Variants in RAPGEF1 observed in about 807,000 individuals in gnomAD.
RAPGEF1 encodes Rap guanine nucleotide exchange factor 1.
A neutral mutation model predicts 143.3 loss-of-function variants in RAPGEF1; 33 were observed. The observed-to-expected ratio is 0.23, with a 90% CI of 0.17 to 0.31. The LOEUF (loss-of-function observed/expected upper bound fraction) is 0.31. Ranked by LOEUF, RAPGEF1 falls within the 10% of genes least tolerant of loss-of-function variation. RAPGEF1 has a pLI of 1.00. For synonymous variants in RAPGEF1, 629 were observed against 676.5 expected, an observed-to-expected ratio of 0.93 and a Z score of 1.09; for missense variants, 1,199 against 1,645.4, an observed-to-expected ratio of 0.73 and a Z score of 4.69.
intron 1 of RAPGEF1, among the ~76,000 whole-genome samples, chr9:131,729,369 C>T (rs1836875754): frequency 6.6e-6 from 1 of 152,174 alleles, no homozygotes; most frequent in South Asian, 2.1e-4. Flanking sequence ...GGTGGAACTA[C>T]TTTAACTCGT....
At chr9:131,627,841 C>A (rs2133026738) in intron 9 of RAPGEF1, 72 bp downstream of exon 9, 1 of 1,471,862 alleles carries the variant, frequency 6.8e-7, no homozygotes, top group Non-Finnish European at 9.2e-7. Context: ...ACCTGGGACT[C>A]CCACCCAGGA....
intron 25 of RAPGEF1, among the ~76,000 whole-genome samples, chr9:131,580,628 G>C (rs1396352447): frequency 2.0e-5 from 3 of 152,202 alleles, no homozygotes; most frequent in Non-Finnish European, 4.4e-5. Context: ...AGGAGCCTGA[G>C]GGTGATGCGG....
chr9:131,694,259 G>C (rs1449046498), intron 1 of RAPGEF1, among the ~76,000 whole-genome samples: 1 of 152,118 alleles, frequency 6.6e-6, no homozygotes, highest in Non-Finnish European at 1.5e-5. Context: ...TTTCAGTCAG[G>C]GTTCCAGCAG....
At chr9:131,717,461 A>G (rs916518479) in intron 1 of RAPGEF1, among the ~76,000 whole-genome samples, 4 of 152,164 alleles carry the variant, frequency 2.6e-5, no homozygotes, top group African/African-American at 9.6e-5. Context: ...TTACCTCCCA[A>G]TGAGGGAAAA....
intron 12 of RAPGEF1, among the ~76,000 whole-genome samples, chr9:131,617,595 A>C (rs560448090): frequency 5.3e-4 from 81 of 152,340 alleles, no homozygotes; most frequent in African/African-American, 1.9e-3. Flanking sequence ...GTTAACTCTC[A>C]TGTGTAAAGT....
At chr9:131,716,452 T>C (rs188255227) in intron 1 of RAPGEF1, among the ~76,000 whole-genome samples, 9 of 152,288 alleles carry the variant, frequency 5.9e-5, no homozygotes, top group South Asian at 2.1e-4. Context: ...AGTCTAAATA[T>C]GTAAGGAGAA....
intron 1 of RAPGEF1, among the ~76,000 whole-genome samples, chr9:131,673,428 T>C (rs1204810646): frequency 6.6e-6 from 1 of 152,238 alleles, no homozygotes; most frequent in East Asian, 1.9e-4. Flanking sequence ...CTGCTGACCC[T>C]GTCCTGTAGA....
At chr9:131,685,233 C>T (rs937580088) in intron 1 of RAPGEF1, among the ~76,000 whole-genome samples, 5 of 152,158 alleles carry the variant, frequency 3.3e-5, no homozygotes, top group East Asian at 3.8e-4. Flanking sequence ...CTGACTCCTG[C>T]GAGAAGTAGC....
At position 131,634,973 on chromosome 9, in the gene RAPGEF1, C is replaced by A. The variant is rs956283540; in HGVS notation, c.651+3662G>T. On this transcript the variant is annotated intron_variant, in intron 5 of 26. Transcript: ENST00000683357. The stretch of plus-strand genomic sequence containing the variant: ...AAACATTGAGGGTCTTTAAATTCCT[C>A]AGATTTCCTTCCTTCAAGAGTCATA... 3.3e-5 allele frequency among the ~76,000 whole-genome samples: 5 copies of A among 152,082 alleles called. No individual in the cohort carries two copies. The South Asian group carries it at 1.0e-3, about 32-fold the overall frequency.
intron 14 of RAPGEF1, among the ~76,000 whole-genome samples, 169 bp from the exon 15 acceptor site, chr9:131,602,318 C>A (rs1260896814): frequency 2.0e-5 from 3 of 152,198 alleles, no homozygotes. Context: ...AACACAAGCC[C>A]TCAAGACTAG....
chr9:131,683,647 T>C (rs1156414961), intron 1 of RAPGEF1, among the ~76,000 whole-genome samples: 1 of 152,236 alleles, frequency 6.6e-6, no homozygotes, highest in Non-Finnish European at 1.5e-5. Context: ...AGCGTTTTCA[T>C]TGTTTTACAG....
intron 1 of RAPGEF1, among the ~76,000 whole-genome samples, chr9:131,730,865 C>T (rs768415584): frequency 2.2e-4 from 33 of 152,234 alleles, no homozygotes; most frequent in Non-Finnish European, 4.1e-4. Flanking sequence ...CCTGTGAGCT[C>T]CAGCAGGACA....
chr9:131,589,238 G>A (rs549596106), intron 19 of RAPGEF1, among the ~76,000 whole-genome samples: 1 of 152,358 alleles, frequency 6.6e-6, no homozygotes, highest in African/African-American at 2.4e-5. Flanking sequence ...GCCAGTGACT[G>A]TGCTGGGGCC....
intron 26 of RAPGEF1, 42 bp from the exon 27 acceptor site, chr9:131,579,689 G>C: frequency 6.2e-7 from 1 of 1,601,804 alleles, no homozygotes; most frequent in Non-Finnish European, 8.5e-7. Flanking sequence ...CACCTGTGTG[G>C]GCTGGATGGC....
Position 131,628,194 on chromosome 9 carries a change from T to A in RAPGEF1, c.1018-98A>T. 1 of 1,177,476 alleles carries A rather than the reference T, an allele frequency of 8.5e-7. No individual in the cohort carries two copies. The highest frequency in any genetic ancestry group is 1.2e-6 in the Non-Finnish European group (1 of 863,536). 72.9% of individuals were successfully genotyped at this position (1,177,476 alleles called of 1,614,324 possible). Reference sequence around the variant, plus strand: ...CGGTGCATTTACTTAGAGAAGGAAATACTGCCAGGCGAACTCAGAAACCAC... The same window carrying A: ...CGGTGCATTTACTTAGAGAAGGAAAAACTGCCAGGCGAACTCAGAAACCAC... On this transcript the variant is annotated intron_variant, in intron 8 of 26. Transcript: ENST00000683357. The surrounding 1 kb of genome is among the most constrained non-coding windows in gnomAD (Gnocchi z 5.7).
intron 5 of RAPGEF1, among the ~76,000 whole-genome samples, chr9:131,633,458 A>G (rs571901829): frequency 1.4e-4 from 22 of 152,326 alleles, no homozygotes; most frequent in African/African-American, 5.3e-4. Context: ...GGCAAAAGGA[A>G]CAGAGAGAAG....
chr9:131,659,196 A>T (rs1382753830), intron 1 of RAPGEF1, among the ~76,000 whole-genome samples: 1 of 152,228 alleles, frequency 6.6e-6, no homozygotes, highest in Non-Finnish European at 1.5e-5. Context: ...ACATTAGGAA[A>T]AGCTTTTTTA....
intron 1 of RAPGEF1, among the ~76,000 whole-genome samples, chr9:131,729,087 G>T (rs1202283816): frequency 6.6e-6 from 1 of 152,226 alleles, no homozygotes; most frequent in Non-Finnish European, 1.5e-5. Flanking sequence ...TGCACAGATG[G>T]AAAGACAGGG....
At chr9:131,654,420 T>C (rs1312749044) in intron 1 of RAPGEF1, among the ~76,000 whole-genome samples, 1 of 152,120 alleles carries the variant, frequency 6.6e-6, no homozygotes, top group Non-Finnish European at 1.5e-5. Flanking sequence ...CTCACAAGAA[T>C]GCAAGTATGG....
Sources: allele counts gnomAD v4.1 joint callset (sites outside exome capture counted in the v4.1 genomes callset), GRCh38; gene constraint gnomAD v4.1.1; non-coding constraint Gnocchi (gnomAD v3.1); transcripts MANE v1.5; gene names NCBI Gene and HGNC (gene_info 2026-07-23, HGNC 2026-07-21).